Variants in CDYL2 observed in about 807,000 individuals in gnomAD.
The protein encoded by CDYL2 is chromodomain Y like 2, also known as chromodomain Y-like protein 2.
A neutral mutation model predicts 49.4 loss-of-function variants in CDYL2; 23 were observed. That is an observed-to-expected ratio of 0.47 (90% confidence interval 0.34 to 0.66). CDYL2 has a LOEUF of 0.66. Among genes scored for constraint, CDYL2 ranks in the 30% least tolerant of loss-of-function variants. The pLI is 0.01. For missense variants in CDYL2, 678 were observed against 656.4 expected (o/e 1.03, Z -0.36); for synonymous variants, 360 against 268.8 (o/e 1.34, Z -3.32).
At chr16:80,665,939 C>T (rs1287075571) in intron 2 of CDYL2, among the ~76,000 whole-genome samples, 5 of 152,128 alleles carry the variant, frequency 3.3e-5, no homozygotes, top group South Asian at 4.1e-4. Context: ...CAGAATAAAA[C>T]CTAATATCCT....
intron 1 of CDYL2, among the ~76,000 whole-genome samples, chr16:80,782,954 T>A (rs1004950695): frequency 1.3e-5 from 2 of 152,110 alleles, no homozygotes; most frequent in Admixed American, 6.5e-5. Flanking sequence ...ATGATGACCA[T>A]TTTCTCCACT....
chr16:80,636,108 G>C (rs1907811330), intron 2 of CDYL2, among the ~76,000 whole-genome samples: 1 of 152,098 alleles, frequency 6.6e-6, no homozygotes, highest in Non-Finnish European at 1.5e-5. Context: ...CCTAACTCTA[G>C]AAGAAAACCT....
chr16:80,754,646 T>C (rs1906247277), intron 1 of CDYL2, among the ~76,000 whole-genome samples: 1 of 152,182 alleles, frequency 6.6e-6, no homozygotes, highest in African/African-American at 2.4e-5. Flanking sequence ...TAAGCCTTAC[T>C]TCCCTTATCA....
At chr16:80,744,791 G>A (rs541569779) in intron 1 of CDYL2, among the ~76,000 whole-genome samples, 6 of 152,230 alleles carry the variant, frequency 3.9e-5, no homozygotes, top group Middle Eastern at 3.4e-3. Context: ...GGAACAGAAC[G>A]GTAATGTTAT....
rs542339625 is a variant in CDYL2, at chr16:80,708,368, A to G, written c.25-23239T>C. ...CTTATAAAGGGCAGTTCCTCTGCAC[A>G]AGCTCTCTTGCCTACCCCCATGTAA... On this transcript the variant is annotated intron_variant, in intron 1 of 6. Coordinates refer to ENST00000570137, the MANE Select transcript of CDYL2 (RefSeq NM_152342.4). Among the ~76,000 whole-genome samples, 13 of 152,302 alleles carry G rather than the reference A, an allele frequency of 8.5e-5. No homozygotes were observed. The South Asian group carries it at 2.3e-3, about 27-fold the overall frequency.
chr16:80,744,979 G>C (rs1182802376), intron 1 of CDYL2, among the ~76,000 whole-genome samples: 7 of 152,154 alleles, frequency 4.6e-5, no homozygotes, highest in Non-Finnish European at 2.9e-5. Context: ...GGGTCTCTCT[G>C]ATGCCACAAA....
intron 1 of CDYL2, among the ~76,000 whole-genome samples, chr16:80,785,385 T>C (rs982981822): frequency 1.3e-5 from 2 of 151,934 alleles, no homozygotes; most frequent in Admixed American, 6.5e-5. Context: ...GAGAATAAAA[T>C]ACCTAGGAGT....
chr16:80,669,248 G>A (rs1909398051), intron 2 of CDYL2, among the ~76,000 whole-genome samples: 4 of 152,014 alleles, frequency 2.6e-5, no homozygotes, highest in Admixed American at 1.3e-4. Flanking sequence ...GACCGGCCTG[G>A]CCGAGCAGAG....
chr16:80,727,757 T>C (rs977943103), intron 1 of CDYL2, among the ~76,000 whole-genome samples: 15 of 152,280 alleles, frequency 9.9e-5, no homozygotes, highest in East Asian at 7.7e-4. Context: ...GATCTGAGAA[T>C]GGGCAGACTG....
Position 80,612,855 on chromosome 16 carries a change from C to T in CDYL2, c.1008-19G>A. ...AAAGTCCCTGGGAGAGAAAGAAGATCCTCTTGAACAGGTGACTATAGCATG... is the reference window on the plus strand; with the variant it reads ...AAAGTCCCTGGGAGAGAAAGAAGATTCTCTTGAACAGGTGACTATAGCATG... On this transcript the variant is annotated intron_variant, in intron 4 of 6. Transcript: ENST00000570137. This position sits in a 1 kb window ranked among gnomAD's most constrained non-coding sequence, Gnocchi z 5.0. 6.3e-7 allele frequency: 1 copy of T among 1,588,410 alleles called. No individual in the cohort carries two copies. Among genetic ancestry groups the T allele is most frequent in the East Asian group, 2.2e-5 (1 of 44,514 alleles).
At chr16:80,791,825 G>A (rs144436534) in intron 1 of CDYL2, among the ~76,000 whole-genome samples, 2 of 152,258 alleles carry the variant, frequency 1.3e-5, no homozygotes, top group Admixed American at 6.5e-5. Flanking sequence ...AATCAGGAAA[G>A]AGACATAATA....
chr16:80,758,368 A>G (rs1306299167), intron 1 of CDYL2, among the ~76,000 whole-genome samples: 1 of 152,174 alleles, frequency 6.6e-6, no homozygotes. Context: ...CAAAAGTATA[A>G]AAAACCTAGA....
intron 1 of CDYL2, among the ~76,000 whole-genome samples, chr16:80,801,137 TAAG>T (rs1410361394): frequency 6.6e-6 from 1 of 152,238 alleles, no homozygotes; most frequent in Admixed American, 6.5e-5. Context: ...GGCATCTGGC[TAAG>T]AAATTTCACT....
chr16:80,791,892 A>G (rs1907622009), intron 1 of CDYL2, among the ~76,000 whole-genome samples: 1 of 152,216 alleles, frequency 6.6e-6, no homozygotes, highest in Admixed American at 6.5e-5. Flanking sequence ...GGAAGTAGGA[A>G]GGGCTAGATG....
intron 1 of CDYL2, among the ~76,000 whole-genome samples, chr16:80,765,714 G>A (rs1490544416): frequency 2.2e-5 from 3 of 136,710 alleles, no homozygotes; most frequent in African/African-American, 8.6e-5. Context: ...ATCCATACAA[G>A]GGAGTATTAA....
At chr16:80,713,596 G>C (rs1436820334) in intron 1 of CDYL2, among the ~76,000 whole-genome samples, 2 of 152,056 alleles carry the variant, frequency 1.3e-5, no homozygotes, top group Non-Finnish European at 2.9e-5. Context: ...GGCTGGGTGT[G>C]GGTATTTTGC....
At chr16:80,652,846 C>G (rs768426480) in intron 2 of CDYL2, among the ~76,000 whole-genome samples, 3 of 152,164 alleles carry the variant, frequency 2.0e-5, no homozygotes, top group Non-Finnish European at 4.4e-5. Flanking sequence ...CTACAAAATA[C>G]CAAGCAGCTC....
chr16:80,624,480 T>C lies in CDYL2; in HGVS notation c.835-3545A>G, dbSNP rs149113473. ...CTAGTAATATCCCTGAGGTGTCTGA[T>C]GGAAATGAATGTAAAAGTACTCTGG... On this transcript the variant is annotated intron_variant, in intron 3 of 6. Coordinates refer to ENST00000570137, the MANE Select transcript of CDYL2 (RefSeq NM_152342.4). Among the ~76,000 whole-genome samples the C allele has an allele frequency of 5.9e-5, 9 of 152,154 alleles. No individual in the cohort carries two copies. The East Asian group carries it at 1.7e-3, about 29-fold the overall frequency.
At chr16:80,790,815 C>G (rs1369366993) in intron 1 of CDYL2, among the ~76,000 whole-genome samples, 3 of 152,178 alleles carry the variant, frequency 2.0e-5, no homozygotes, top group African/African-American at 7.2e-5. Context: ...CAAGGCTGTG[C>G]TGAGCCTCCC....
Sources: gnomAD v4.1 joint callset for allele counts (sites outside exome capture counted in the v4.1 genomes callset) on GRCh38, gnomAD v4.1.1 for gene constraint, Gnocchi (gnomAD v3.1) non-coding constraint, MANE v1.5 for transcripts, NCBI Gene and HGNC (gene_info 2026-07-23, HGNC 2026-07-21) for gene names.